ACER2: variants seen among roughly 807,000 people sequenced by gnomAD.
ACER2 encodes the protein alkaline ceramidase 2.
Under a neutral mutation model 34.7 loss-of-function variants are expected in ACER2, and 26 were observed. The ratio of observed to expected loss-of-function variants is 0.75; its 90% CI spans 0.55 to 1.04. The LOEUF is 1.04. ACER2 is among the 50% of genes least tolerant of loss of function. The probability of loss-of-function intolerance (pLI) is 0.00; values close to 1 mark genes in which losing one functional copy is unlikely to be tolerated. For synonymous variants in ACER2, 138 were observed against 132.1 expected, an observed-to-expected ratio of 1.04 and a Z score of -0.31; for missense variants, 352 against 340.8, an observed-to-expected ratio of 1.03 and a Z score of -0.26.
chr9:19,421,392 A>G lies in ACER2; in HGVS notation c.109-2470A>G, dbSNP rs78329245. Among the ~76,000 whole-genome samples, 659 of 152,352 alleles carry G rather than the reference A, an allele frequency of 4.3e-3. 5 individuals carry two copies. Among genetic ancestry groups the G allele is most frequent in the African/African-American group, 0.015 (635 of 41,578 alleles). On this transcript the variant is annotated intron_variant, in intron 1 of 5. Coordinates refer to ENST00000340967, the MANE Select transcript of ACER2 (RefSeq NM_001010887.3). Reference sequence around the variant, plus strand: ...TAAATGTAGTATATCCTTTCAATGGAATGTTATCCAACCATAAAAAAGAAT... The same window carrying G: ...TAAATGTAGTATATCCTTTCAATGGGATGTTATCCAACCATAAAAAAGAAT...
chr9:19,424,831 C>T lies in ACER2; in HGVS notation c.355C>T (p.Arg119Trp), dbSNP rs771220719. The change falls in exon 3 of 6, where the codon CGG (arginine) becomes TGG (tryptophan). Residue 119 changes from arginine (R) to tryptophan (W), a missense_variant. By Grantham distance (101) the Arg-to-Trp change is moderately radical. Coordinates refer to ENST00000340967, the MANE Select transcript of ACER2 (RefSeq NM_001010887.3). ...CAGAAGGTATCTACCAAAGATCTTT[C>T]GGAATGACCGGTAAGCTTGCACTAA... is the stretch of plus-strand genomic sequence containing the variant. Reference protein sequence around the residue: ...FPRRYLPKIFRNDRGRFKVVV... With the variant: ...FPRRYLPKIFWNDRGRFKVVV... 1.3e-5 allele frequency: 21 copies of T among 1,613,980 alleles called. No homozygotes were observed. The highest frequency in any genetic ancestry group is 7.7e-5 in the South Asian group (7 of 91,060).
chr9:19,447,695 A>G (rs1164425413), intron 5 of ACER2, among the ~76,000 whole-genome samples: 1 of 152,216 alleles, frequency 6.6e-6, no homozygotes, highest in Non-Finnish European at 1.5e-5. Flanking sequence ...GATTTAAGTC[A>G]AATTCGAAAT....
intron 5 of ACER2, among the ~76,000 whole-genome samples, chr9:19,448,239 C>T (rs1210844760): frequency 6.6e-6 from 1 of 152,108 alleles, no homozygotes; most frequent in African/African-American, 2.4e-5. Flanking sequence ...TCAGAAACTC[C>T]TGGGCTCGAG....
intron 4 of ACER2, among the ~76,000 whole-genome samples, chr9:19,440,765 A>C (rs1242585689): frequency 6.6e-6 from 1 of 152,092 alleles, no homozygotes; most frequent in Non-Finnish European, 1.5e-5. Context: ...ACATATGTGG[A>C]TGACTCCTAA....
intron 3 of ACER2, among the ~76,000 whole-genome samples, chr9:19,433,932 C>T (rs1186139576): frequency 5.9e-5 from 9 of 151,464 alleles, no homozygotes; most frequent in African/African-American, 1.5e-4. Flanking sequence ...CAGGACGGGG[C>T]GGCTGGCCGG....
At chr9:19,409,906 A>G (rs1830038131) in intron 1 of ACER2, 1 of 985,240 alleles carries the variant, frequency 1.0e-6, no homozygotes, top group African/African-American at 1.7e-5. Context: ...GTCCCTAGAT[A>G]AGGGTGAGCA....
chr9:19,440,878 A>C (rs995761056), intron 4 of ACER2, among the ~76,000 whole-genome samples: 1 of 151,944 alleles, frequency 6.6e-6, no homozygotes, highest in Non-Finnish European at 1.5e-5. Flanking sequence ...CTCAAATTCA[A>C]CTTGACCAAA....
intron 4 of ACER2, 104 bp downstream of exon 4, chr9:19,435,188 T>C (rs2132506488): frequency 2.2e-6 from 3 of 1,388,668 alleles, no homozygotes; most frequent in Non-Finnish European, 2.9e-6. Flanking sequence ...TTTTATTCCT[T>C]GTGAAGAGTT....
At chr9:19,418,497 C>A (rs1830303766) in intron 1 of ACER2, among the ~76,000 whole-genome samples, 1 of 152,180 alleles carries the variant, frequency 6.6e-6, no homozygotes, top group African/African-American at 2.4e-5. Flanking sequence ...CACATACACA[C>A]CATGGAATAG....
chr9:19,435,122 C>G, intron 4 of ACER2, 38 bp downstream of exon 4: 2 of 1,610,844 alleles, frequency 1.2e-6, no homozygotes, highest in Non-Finnish European at 1.7e-6. Context: ...TAGCTGTCCC[C>G]GTGCTGGGAA....
chr9:19,446,771 A>G (rs1162465414), intron 5 of ACER2: 1 of 473,122 alleles, frequency 2.1e-6, no homozygotes, highest in East Asian at 1.5e-4. Flanking sequence ...AGCTGGGGAA[A>G]GAGGTGATGT....
At chr9:19,413,925 T>G (rs917135795) in intron 1 of ACER2, among the ~76,000 whole-genome samples, 4 of 152,214 alleles carry the variant, frequency 2.6e-5, no homozygotes, top group Non-Finnish European at 4.4e-5. Context: ...GAGCATTTGC[T>G]GGGCAACAAC....
rs539718733 is a variant in ACER2 at position 19,434,666 on chromosome 9, C to T, written c.366-281C>T. ...TGCGCGCCTGCAATTGCAGGCACTCCGCAGGCTGAGGCAGGAGAATCAGGC... is the reference window on the plus strand; with the variant it reads ...TGCGCGCCTGCAATTGCAGGCACTCTGCAGGCTGAGGCAGGAGAATCAGGC... On this transcript the variant is annotated intron_variant, in intron 3 of 5. Coordinates refer to ENST00000340967, the MANE Select transcript of ACER2 (RefSeq NM_001010887.3). Among the ~76,000 whole-genome samples the T allele has an allele frequency of 4.5e-4, 68 of 152,312 alleles. No individual in the cohort carries two copies. The South Asian group carries it at 7.7e-3, about 17-fold the overall frequency.
intron 2 of ACER2, chr9:19,424,333 G>T (rs1830496577): frequency 2.1e-6 from 2 of 973,468 alleles, no homozygotes; most frequent in Non-Finnish European, 2.4e-6. Context: ...TCATTGTTTT[G>T]TGAAATACTT....
chr9:19,429,948 C>A (rs529417043), intron 3 of ACER2, among the ~76,000 whole-genome samples: 1 of 152,180 alleles, frequency 6.6e-6, no homozygotes, highest in African/African-American at 2.4e-5. Flanking sequence ...GGATCTTAAC[C>A]AGGGACATTT....
At chr9:19,424,353 C>G in intron 2 of ACER2, 4 of 984,236 alleles carry the variant, frequency 4.1e-6, no homozygotes, top group South Asian at 9.4e-5. Context: ...TGTGTCATTT[C>G]CATTTCCTCC....
In ACER2 at chr9:19,424,766, T is replaced by G; in HGVS notation, c.290T>G (p.Val97Gly). 2 of 1,614,174 alleles carry G rather than the reference T, an allele frequency of 1.2e-6. No homozygotes were observed. The highest frequency in any genetic ancestry group is 1.7e-6 in the Non-Finnish European group (2 of 1,180,022). The change falls in exon 3 of 6, where the codon GTC becomes GGC. Residue 97 changes from valine to glycine, a missense_variant. By Grantham distance (109) the Val-to-Gly change is moderately radical. Coordinates refer to ENST00000340967, the MANE Select transcript of ACER2 (RefSeq NM_001010887.3). ...FLGQMLDELAVLWVLMCALAM... is the reference protein window; with the variant it reads ...FLGQMLDELAGLWVLMCALAM... ...GGTCAGATGCTTGATGAACTTGCAG[T>G]CCTTTGGGTTCTGATGTGTGCTTTG...
At chr9:19,440,546 G>A (rs1316374627) in intron 4 of ACER2, among the ~76,000 whole-genome samples, 1 of 152,122 alleles carries the variant, frequency 6.6e-6, no homozygotes, top group Non-Finnish European at 1.5e-5. Context: ...TCATCTGTGA[G>A]GAATGGCCCT....
intron 1 of ACER2, among the ~76,000 whole-genome samples, chr9:19,410,625 A>C (rs575006847): frequency 6.6e-6 from 1 of 152,250 alleles, no homozygotes; most frequent in African/African-American, 2.4e-5. Context: ...TGGGAGGATC[A>C]CCTGAGCCTG....
Sources: allele counts gnomAD v4.1 joint callset (sites outside exome capture counted in the v4.1 genomes callset), GRCh38; gene constraint gnomAD v4.1.1; transcripts MANE v1.5; gene names NCBI Gene and HGNC (gene_info 2026-07-23, HGNC 2026-07-21).